TTN: variants seen among roughly 807,000 people sequenced by gnomAD.
TTN encodes titin, also known as connectin.
In TTN, 1,525 loss-of-function variants were observed where a neutral mutation model predicts 3,223.0. That is an observed-to-expected ratio of 0.47 (90% CI 0.45 to 0.49). TTN has a LOEUF of 0.49. TTN is among the 20% of genes least tolerant of loss of function. The pLI is 0.00. For synonymous variants in TTN, 14,094 were observed against 15,161.0 expected (o/e 0.93, Z 5.17); for missense variants, 40,786 against 43,424.0 (o/e 0.94, Z 5.40).
In TTN at chr2:178,532,934, G is replaced by A. The variant is rs1689824883; in HGVS notation, c.103681C>T (p.Gln34561Ter). The change falls in exon 358 of 363, where the codon CAG becomes TAG. Residue 34561 changes from glutamine to a stop codon, truncating the protein, a stop_gained. Coordinates refer to ENST00000589042, the MANE Select transcript of TTN (RefSeq NM_001267550.2). LOFTEE classifies it high-confidence loss of function. ...TTCATGTCAGACATGGGCACGAACT[G>A]CTTGATGCGTTGGTCTTCTTCTATG... is the stretch of plus-strand genomic sequence containing the variant. The part of the protein sequence containing the change: ...TTIEEDQRIK[Q>*]FVPMSDMKWY... 6.2e-7 allele frequency: 1 copy of A among 1,613,796 alleles called. No homozygotes were observed. The highest frequency in any genetic ancestry group is 8.5e-7 in the Non-Finnish European group (1 of 1,179,884).
Position 178,671,187 on chromosome 2 carries a change from A to AT in TTN, c.35228-18dup. On this transcript the variant is annotated splice_polypyrimidine_tract_variant and intron_variant, in intron 155 of 362. Transcript: ENST00000589042. The stretch of plus-strand genomic sequence containing the variant: ...TCTCAGGCCCTTCAAAGATATTAGT[A>AT]TTTTGGTTTAGAATGAACTCTTGAA... 1 of 1,575,576 alleles carries AT rather than the reference A, an allele frequency of 6.3e-7. No individual in the cohort carries two copies. Among genetic ancestry groups the AT allele is most frequent in the Non-Finnish European group, 8.6e-7 (1 of 1,164,170 alleles).
chr2:178,697,127 C>T lies in TTN; in HGVS notation c.30796G>A (p.Ala10266Thr). ...KPPPPTTLIP[A>T]KAPEIIDVSS... ...ATAATTTATCTTTATTTACCTTTTG[C>T]TGGAATTAAGGTAGTAGGAGGTGGA... Residue 10266 changes from alanine (A) to threonine (T), a missense_variant, in exon 113 of 363, where the codon GCA becomes ACA. Transcript: ENST00000589042. 1 of 1,550,470 alleles carries T rather than the reference C, an allele frequency of 6.4e-7. No homozygotes were observed. The highest frequency in any genetic ancestry group is 8.7e-7 in the Non-Finnish European group (1 of 1,145,622).
At position 178,735,546 on chromosome 2, in the gene TTN, C is replaced by G; in HGVS notation, c.14900G>C (p.Gly4967Ala). 6.2e-7 allele frequency: 1 copy of G among 1,600,974 alleles called. No individual in the cohort carries two copies. ...TYVCTASNEA[G>A]SSSCSATVTV... is the part of the protein sequence containing the mutation. ...GACTGTGGCTGAGCAGGAGCTGCTT[C>G]CAGCCTCATTTGAAGCTGTACAGAC... Residue 4967 changes from glycine to alanine, a missense_variant, in exon 50 of 363, where the codon GGA (glycine) becomes GCA (alanine). Gly to Ala is a moderately conservative substitution (Grantham distance 60). Coordinates refer to ENST00000589042, the MANE Select transcript of TTN (RefSeq NM_001267550.2).
At chr2:178,542,073 G>C (rs72648268) in intron 349 of TTN, 191 bp downstream of exon 349, 2 of 506,406 alleles carry the variant, frequency 3.9e-6, no homozygotes. Context: ...TCAAGCCTAA[G>C]TGTGTTGAAA....
Position 178,575,789 on chromosome 2 carries a change from G to C in TTN, c.70343C>G (p.Thr23448Arg). Residue 23448 changes from threonine to arginine, a missense_variant, in exon 326 of 363, where the codon ACA (threonine) becomes AGA (arginine). By Grantham distance (71) the Thr-to-Arg change is moderately conservative. Coordinates refer to ENST00000589042, the MANE Select transcript of TTN (RefSeq NM_001267550.2). This position sits in a 1 kb window ranked among gnomAD's most constrained non-coding sequence, Gnocchi z 4.0. ...PVLNLRPTDI[T>R]KDSVTLHWDL... ...CCAGTGCAGGGTGACACTGTCCTTT[G>C]TGATGTCTGTAGGCCGCAGGTTGAG... The C allele has an allele frequency of 6.2e-7, 1 of 1,613,126 alleles. No homozygotes were observed. The highest frequency in any genetic ancestry group is 8.5e-7 in the Non-Finnish European group (1 of 1,179,266).
Position 178,567,216 on chromosome 2 carries a change from A to G in TTN, c.78916T>C (p.Leu26306=). The G allele has an allele frequency of 6.2e-7, 1 of 1,610,410 alleles. No homozygotes were observed. Among genetic ancestry groups the G allele is most frequent in the Admixed American group, 1.7e-5 (1 of 59,676 alleles). ...TCTTGAAGTGGTGGAGACCATGTTA[A>G]AGAGCATTTTTCAGAAGTGACTCCA... ...VTGVTSEKCS[L]TWSPPLQDGG... Residue 26306 remains leucine, a synonymous_variant, in exon 326 of 363, where the codon TTA becomes CTA. Coordinates refer to ENST00000589042, the MANE Select transcript of TTN (RefSeq NM_001267550.2).
chr2:178,685,513 C>T lies in TTN; in HGVS notation c.32392+5G>A. The stretch of plus-strand genomic sequence containing the variant: ...GGGATAAAACTAATTAAAGAGTCAG[C>T]ATACCTTCAGCTGGCTCAGCTTCCA... On this transcript the variant is annotated splice_donor_5th_base_variant and intron_variant, in intron 128 of 362. Transcript: ENST00000589042. 7.5e-6 allele frequency: 12 copies of T among 1,610,574 alleles called. No individual in the cohort carries two copies. Among genetic ancestry groups the T allele is most frequent in the Non-Finnish European group, 1.0e-5 (12 of 1,178,338 alleles).
chr2:178,633,205 C>T lies in TTN; in HGVS notation c.43068G>A (p.Gln14356=), dbSNP rs758915068. 14 of 1,612,858 alleles carry T rather than the reference C, an allele frequency of 8.7e-6. 1 individual carries two copies. The South Asian group carries it at 1.5e-4, about 18-fold the overall frequency. ...GACTTACAGGGGAAGCTGTCAAAGG[C>T]TGTCCTTTCAGCTTCCACTGGCCGT... ...DVHGQWKLKG[Q]PLTASPDCEI... Residue 14356 remains glutamine (Q), a synonymous_variant, in exon 233 of 363, where the codon CAG becomes CAA. Transcript: ENST00000589042.
Position 178,538,965 on chromosome 2 carries a change from A to C in TTN, c.98970T>G (p.Val32990=). The C allele has an allele frequency of 1.2e-6, 2 of 1,608,532 alleles. No individual in the cohort carries two copies. The highest frequency in any genetic ancestry group is 1.7e-6 in the Non-Finnish European group (2 of 1,175,498). Residue 32990 remains valine (V), a synonymous_variant, in exon 353 of 363, where the codon GTT becomes GTG. Transcript: ENST00000589042. The part of the protein sequence containing the change: ...LSETSPASEP[V]VCKDPFDKPS... ...CCTTACCAAATGGATCTTTGCAAACAACTGGTTCAGAAGCAGGGCTGGTCT... is the reference window on the plus strand; with the variant it reads ...CCTTACCAAATGGATCTTTGCAAACCACTGGTTCAGAAGCAGGGCTGGTCT...
chr2:178,557,030 C>T lies in TTN; in HGVS notation c.88124G>A (p.Arg29375His), dbSNP rs761246441. 1.1e-5 allele frequency: 18 copies of T among 1,613,618 alleles called. No homozygotes were observed. Among genetic ancestry groups the T allele is most frequent in the Admixed American group, 5.0e-5 (3 of 59,990 alleles). ...SKITGYIVERRDLPDGRWTKA... is the reference protein window; with the variant it reads ...SKITGYIVERHDLPDGRWTKA... ...GGTCCATCTGCCATCTGGAAGGTCA[C>T]GTCTCTCAACAATGTAGCCTGTAAT... The change falls in exon 330 of 363, where the codon CGT becomes CAT. Residue 29375 changes from arginine to histidine, a missense_variant. Transcript: ENST00000589042.
Position 178,573,261 on chromosome 2 carries a change from G to A in TTN, c.72871C>T (p.His24291Tyr). The change falls in exon 326 of 363, where the codon CAT becomes TAT. Residue 24291 changes from histidine (H) to tyrosine (Y), a missense_variant. Coordinates refer to ENST00000589042, the MANE Select transcript of TTN (RefSeq NM_001267550.2). ...GCCATAATCCTGAACTCATATTCATGTCCTTCTGTCAGTCCAGACACTTTA... is the reference window on the plus strand; with the variant it reads ...GCCATAATCCTGAACTCATATTCATATCCTTCTGTCAGTCCAGACACTTTA... ...RYKVSGLTEG[H>Y]EYEFRIMAEN... 6.2e-7 allele frequency: 1 copy of A among 1,605,818 alleles called. No individual in the cohort carries two copies. The highest frequency in any genetic ancestry group is 8.5e-7 in the Non-Finnish European group (1 of 1,175,278).
chr2:178,601,595 G>A (rs761458074), intron 286 of TTN, 31 bp from the exon 287 acceptor site: 29 of 1,591,262 alleles, frequency 1.8e-5, no homozygotes, highest in East Asian at 9.0e-5. Context: ...TATAAGCAAC[G>A]TTCCTTAAAT....
intron 307 of TTN, 131 bp downstream of exon 307, chr2:178,586,987 G>T: frequency 1.5e-6 from 2 of 1,379,226 alleles, no homozygotes; most frequent in East Asian, 4.6e-5. Context: ...GAGTGAGATA[G>T]ATATTTATTA....
chr2:178,740,664 G>A lies in TTN; in HGVS notation c.12569C>T (p.Ser4190Phe). Residue 4190 changes from serine to phenylalanine, a missense_variant, in exon 48 of 363, where the codon TCC becomes TTC. Transcript: ENST00000589042. ...TGTTAATGAATTAATTTGTTCTATGGACATGGCACTTGGGAAGATTTTCTC... is the reference window on the plus strand; with the variant it reads ...TGTTAATGAATTAATTTGTTCTATGAACATGGCACTTGGGAAGATTTTCTC... ...DTEKIFPSAM[S>F]IEQINSLTVE... The A allele has an allele frequency of 6.2e-7, 1 of 1,613,738 alleles. No individual in the cohort carries two copies. The highest frequency in any genetic ancestry group is 8.5e-7 in the Non-Finnish European group (1 of 1,179,792).
chr2:178,676,749 GAAGACATAACTAT>G (rs938285457), intron 147 of TTN, among the ~76,000 whole-genome samples: 1 of 151,790 alleles, frequency 6.6e-6, no homozygotes, highest in African/African-American at 2.4e-5. Context: ...ATATGTATTA[GAAGACATAACTAT>G]TATTCTGTGT....
intron 155 of TTN, 46 bp from the exon 156 acceptor site, chr2:178,671,216 T>C (rs1577206095): frequency 1.4e-6 from 2 of 1,459,248 alleles, no homozygotes; most frequent in East Asian, 2.5e-5. Flanking sequence ...TCTTGAAGTA[T>C]TTTGGAGCAC....
rs1415121609 is a variant in TTN, at chr2:178,556,461, A to AC, written c.88306+386_88306+387insG. ...AAACAAACAAACAAACAAACAAAAA[A>AC]AAAAAAACCAAAAAATGAAGTCTCT... is the stretch of plus-strand genomic sequence containing the variant. On this transcript the variant is annotated intron_variant, in intron 330 of 362. Coordinates refer to ENST00000589042, the MANE Select transcript of TTN (RefSeq NM_001267550.2). The AC allele has an allele frequency of 7.5e-4, 165 of 220,178 alleles. No homozygotes were observed. In the East Asian group the frequency reaches 0.015, roughly 20 times the overall value. 13.6% of individuals were successfully genotyped at this position (220,178 alleles called of 1,614,324 possible). A position where few individuals can be genotyped will look rare whatever the true frequency, so the allele number is the denominator to read the frequency against.
Position 178,689,398 on chromosome 2 carries a change from A to C in TTN, c.31928-25T>G, listed in dbSNP as rs777771891. On this transcript the variant is annotated intron_variant, in intron 123 of 362. Transcript: ENST00000589042. ...ACTTAAAGGATAGTATTGAATTTTA[A>C]AATTTGTCAAAAAGGCCAAATAAAT... 3 of 1,612,456 alleles carry C rather than the reference A, an allele frequency of 1.9e-6. No homozygotes were observed. The South Asian group carries it at 3.3e-5, about 18-fold the overall frequency.
Position 178,555,100 on chromosome 2 carries a change from T to G in TTN, c.88359A>C (p.Arg29453Ser). ...CTCTGAGCTTCACAGATGTACCTGC[T>G]CTGTATTTGACAACTTCTGTATATT... is the stretch of plus-strand genomic sequence containing the variant. The part of the protein sequence containing the change: ...PLEYTEVVKY[R>S]AGTSVKLRAG... The change falls in exon 331 of 363, where the codon AGA becomes AGC. Residue 29453 changes from arginine to serine, a missense_variant. Transcript: ENST00000589042. 1 of 1,613,828 alleles carries G rather than the reference T, an allele frequency of 6.2e-7. No homozygotes were observed. The highest frequency in any genetic ancestry group is 8.5e-7 in the Non-Finnish European group (1 of 1,179,818).
Sources: gnomAD v4.1 joint callset for allele counts (sites outside exome capture counted in the v4.1 genomes callset) on GRCh38, gnomAD v4.1.1 for gene constraint, Gnocchi (gnomAD v3.1) non-coding constraint, MANE v1.5 for transcripts, NCBI Gene and HGNC (gene_info 2026-07-23, HGNC 2026-07-21) for gene names.